Variants in TCAIM observed in about 807,000 individuals in gnomAD.
The protein encoded by TCAIM is T cell activation inhibitor, mitochondrial, also known as T-cell activation inhibitor, mitochondrial.
Under a neutral mutation model 58.6 loss-of-function variants are expected in TCAIM, and 36 were observed. The ratio of observed to expected loss-of-function variants is 0.61; its 90% CI spans 0.47 to 0.81. The LOEUF (loss-of-function observed/expected upper bound fraction) is 0.81, where lower values mean the gene tolerates loss of function less well. Ranked by LOEUF, TCAIM falls within the 30% of genes least tolerant of loss-of-function variation. TCAIM has a pLI of 0.00. For synonymous variants in TCAIM, 172 were observed against 193.6 expected, an observed-to-expected ratio of 0.89 and a Z score of 0.93; for missense variants, 466 against 579.6, an observed-to-expected ratio of 0.80 and a Z score of 2.01.
At chr3:44,372,583 CTTTCTTTTTTTTTTT>C (rs1051237829) in intron 5 of TCAIM, among the ~76,000 whole-genome samples, 25 of 150,972 alleles carry the variant, frequency 1.7e-4, no homozygotes, top group Non-Finnish European at 2.8e-4. Flanking sequence ...TGGATCAAAA[CTTTCTTTTTTTTTTT>C]TTTCTTTTTT....
intron 1 of TCAIM, among the ~76,000 whole-genome samples, chr3:44,344,148 A>C (rs902006997): frequency 1.3e-5 from 2 of 151,830 alleles, no homozygotes; most frequent in Non-Finnish European, 2.9e-5. Flanking sequence ...AGTAGCTGGA[A>C]TTACAGGCGT....
intron 1 of TCAIM, among the ~76,000 whole-genome samples, chr3:44,348,001 A>G (rs1244741812): frequency 6.6e-6 from 1 of 152,186 alleles, no homozygotes; most frequent in Non-Finnish European, 1.5e-5. Flanking sequence ...CCTCAACCTA[A>G]TAAGGGAACT....
At chr3:44,372,042 GA>G (rs2125640445) in intron 5 of TCAIM, among the ~76,000 whole-genome samples, 2 of 148,310 alleles carry the variant, frequency 1.3e-5, no homozygotes, top group East Asian at 2.0e-4. Flanking sequence ...AGGAAGGAAG[GA>G]AGGAAGGAAG....
At chr3:44,386,716 T>C (rs1309080467) in intron 5 of TCAIM, among the ~76,000 whole-genome samples, 1 of 152,202 alleles carries the variant, frequency 6.6e-6, no homozygotes, top group African/African-American at 2.4e-5. Context: ...CTGCTATCTC[T>C]GTCCCTCCGG....
intron 5 of TCAIM, among the ~76,000 whole-genome samples, chr3:44,369,886 G>A (rs1450020203): frequency 6.6e-6 from 1 of 152,070 alleles, no homozygotes; most frequent in Non-Finnish European, 1.5e-5. Flanking sequence ...GAAGAACTCG[G>A]GCTTTAATAT....
At chr3:44,392,805 A>G (rs1701859339) in intron 5 of TCAIM, 50 bp from the exon 6 acceptor site, 4 of 1,526,224 alleles carry the variant, frequency 2.6e-6, no homozygotes, top group African/African-American at 2.8e-5. Context: ...AATAGTAAAA[A>G]TATGTATATT....
intron 5 of TCAIM, among the ~76,000 whole-genome samples, chr3:44,386,956 G>A (rs1261882731): frequency 5.9e-5 from 9 of 152,242 alleles, no homozygotes; most frequent in Admixed American, 5.9e-4. Flanking sequence ...GGTTCCAGGT[G>A]AAGTCCATGG....
intron 5 of TCAIM, among the ~76,000 whole-genome samples, chr3:44,377,475 A>G (rs1037913664): frequency 1.3e-5 from 2 of 152,210 alleles, no homozygotes; most frequent in African/African-American, 4.8e-5. Context: ...ACCAAACAAG[A>G]AATAAGTAAG....
intron 5 of TCAIM, among the ~76,000 whole-genome samples, chr3:44,372,064 A>AGGAAGGAAGGAAGGAAGGAAGGAG (rs765363531): frequency 1.9e-4 from 28 of 146,084 alleles, no homozygotes; most frequent in Admixed American, 6.1e-4. Context: ...GAAGGAAGGA[A>AGGAAGGAAGGAAGGAAGGAAGGAG]GGAAGGAAGG....
chr3:44,357,795 G>A lies in TCAIM; in HGVS notation c.84G>A (p.Ser28=), dbSNP rs753092763. 29 of 1,613,968 alleles carry A rather than the reference G, an allele frequency of 1.8e-5. No individual in the cohort carries two copies. The highest frequency in any genetic ancestry group is 1.6e-4 in the Middle Eastern group (1 of 6,082). ...PHWFPFSRAL[S]GAEAVNALRP... is the part of the protein sequence containing the mutation. ...GGTTTCCCTTTTCAAGAGCTTTATCGGGAGCTGAAGCAGTCAATGCCTTGA... is the reference window on the plus strand; with the variant it reads ...GGTTTCCCTTTTCAAGAGCTTTATCAGGAGCTGAAGCAGTCAATGCCTTGA... Residue 28 remains serine (S), a synonymous_variant, in exon 3 of 11, where the codon TCG becomes TCA. Transcript: ENST00000342649.
chr3:44,407,402 AT>A, intron 10 of TCAIM, 39 bp from the exon 11 acceptor site: 1 of 1,322,306 alleles, frequency 7.6e-7, no homozygotes. Context: ...TTATGACAAT[AT>A]TTGTTCTTAT....
At chr3:44,388,663 A>G (rs969498691) in intron 5 of TCAIM, among the ~76,000 whole-genome samples, 1 of 152,198 alleles carries the variant, frequency 6.6e-6, no homozygotes, top group African/African-American at 2.4e-5. Context: ...CACTTGCTCT[A>G]ATATTCATTG....
Position 44,358,818 on chromosome 3 carries a change from T to C in TCAIM, c.165+942T>C, listed in dbSNP as rs1052353709. 4 of 985,302 alleles carry C rather than the reference T, an allele frequency of 4.1e-6. No homozygotes were observed. In the African/African-American group the frequency reaches 7.0e-5, roughly 17 times the overall value. The allele number at this position is 985,302 out of a possible 1,614,324, so 61.0% of individuals were successfully genotyped here. ...ATCTAGTTTAATATGAAAAGGAACT[T>C]GAAATCTTGAAAATTAGAACATCGT... is the stretch of plus-strand genomic sequence containing the variant. On this transcript the variant is annotated intron_variant, in intron 3 of 10. Transcript: ENST00000342649.
chr3:44,375,308 A>G (rs1206410902), intron 5 of TCAIM, among the ~76,000 whole-genome samples: 1 of 152,214 alleles, frequency 6.6e-6, no homozygotes, highest in Non-Finnish European at 1.5e-5. Context: ...TGCAGGCTGT[A>G]CAAGAAGTGT....
At chr3:44,347,712 G>A (rs1700998887) in intron 1 of TCAIM, among the ~76,000 whole-genome samples, 1 of 152,204 alleles carries the variant, frequency 6.6e-6, no homozygotes. Context: ...AGGCCATGCT[G>A]TAACAGGCAA....
chr3:44,378,202 G>T (rs998156842), intron 5 of TCAIM, among the ~76,000 whole-genome samples: 4 of 151,974 alleles, frequency 2.6e-5, no homozygotes, highest in African/African-American at 9.7e-5. Flanking sequence ...CCAACATGGT[G>T]AAACCCCGTC....
intron 8 of TCAIM, among the ~76,000 whole-genome samples, chr3:44,398,811 C>G (rs1364865015): frequency 6.6e-6 from 1 of 152,168 alleles, no homozygotes; most frequent in Non-Finnish European, 1.5e-5. Context: ...CAAACTGGTA[C>G]ATCCATACCA....
chr3:44,396,938 G>GT (rs1701945275), intron 8 of TCAIM, 104 bp downstream of exon 8: 1 of 1,162,780 alleles, frequency 8.6e-7, no homozygotes, highest in Admixed American at 2.8e-5. Flanking sequence ...TTGTGTTTTT[G>GT]TTTTTGTTTT....
chr3:44,365,807 T>G (rs1399255816), intron 4 of TCAIM, among the ~76,000 whole-genome samples: 2 of 152,226 alleles, frequency 1.3e-5, no homozygotes, highest in African/African-American at 4.8e-5. Flanking sequence ...GAACTTAATT[T>G]TAAATTTTTA....
Sources: gnomAD v4.1 joint callset for allele counts (sites outside exome capture counted in the v4.1 genomes callset) on GRCh38, gnomAD v4.1.1 for gene constraint, MANE v1.5 for transcripts, NCBI Gene and HGNC (gene_info 2026-07-23, HGNC 2026-07-21) for gene names.